The following PAK5 variants were observed in gnomAD, a reference collection of about 807,000 sequenced individuals.
PAK5 encodes the protein serine/threonine-protein kinase PAK 5.
Under a neutral mutation model 65.9 loss-of-function variants are expected in PAK5, and 16 were observed. The observed-to-expected ratio is 0.24, with a 90% CI of 0.16 to 0.37. The LOEUF is 0.37. Ranked by LOEUF, PAK5 falls within the 10% of genes least tolerant of loss-of-function variation. The probability of loss-of-function intolerance (pLI) is 1.00; values close to 1 mark genes in which losing one functional copy is unlikely to be tolerated. For synonymous variants in PAK5, 371 were observed against 354.9 expected, an observed-to-expected ratio of 1.05 and a Z score of -0.51; for missense variants, 785 against 903.9, an observed-to-expected ratio of 0.87 and a Z score of 1.69.
At position 9,565,798 on chromosome 20, in the gene PAK5, T is replaced by C. The variant is rs192148386; in HGVS notation, c.1482+95A>G. 231 of 1,288,714 alleles carry C rather than the reference T, an allele frequency of 1.8e-4. No homozygotes were observed. In the African/African-American group the frequency reaches 3.2e-3, roughly 18 times the overall value. 79.8% of individuals were successfully genotyped at this position (1,288,714 alleles called of 1,614,324 possible). On this transcript the variant is annotated intron_variant, in intron 5 of 9. Transcript: ENST00000353224. ...ATTTTTGTCTTTATATTTTCAGTGC[T>C]TTTCTAATGTCCTAAAATGTACATG...
rs1393328499 is a variant in PAK5, at chr20:9,538,066, C to T, written c.*1396G>A. The T allele has an allele frequency of 4.3e-6, 1 of 232,906 alleles. No individual in the cohort carries two copies. Among genetic ancestry groups the T allele is most frequent in the East Asian group, 6.1e-5 (1 of 16,408 alleles). 14.4% of individuals were successfully genotyped at this position (232,906 alleles called of 1,614,324 possible). A position where few individuals can be genotyped will look rare whatever the true frequency, so the allele number is the denominator to read the frequency against. On this transcript the variant is annotated 3_prime_UTR_variant, in exon 10 of 10. Transcript: ENST00000353224. ...TTGTCTGATGCATAATTAATAGAAACTAATGATGACTATGTAGCTCTTCCA... is the reference window on the plus strand; with the variant it reads ...TTGTCTGATGCATAATTAATAGAAATTAATGATGACTATGTAGCTCTTCCA...
intron 2 of PAK5, among the ~76,000 whole-genome samples, chr20:9,656,112 G>A (rs1008828388): frequency 5.3e-5 from 8 of 152,084 alleles, no homozygotes; most frequent in African/African-American, 1.9e-4. Flanking sequence ...TTAAATGCTA[G>A]CAAGTTGGCT....
intron 1 of PAK5, among the ~76,000 whole-genome samples, chr20:9,758,335 C>T (rs1399680387): frequency 6.6e-6 from 1 of 152,156 alleles, no homozygotes; most frequent in African/African-American, 2.4e-5. Context: ...GTGGCCAAAA[C>T]ATTAGCATAG....
At chr20:9,758,237 G>C (rs1359105675) in intron 1 of PAK5, among the ~76,000 whole-genome samples, 2 of 152,190 alleles carry the variant, frequency 1.3e-5, no homozygotes, top group Non-Finnish European at 2.9e-5. Context: ...GTGAGGTACG[G>C]ATGTCCTTTC....
chr20:9,626,734 C>T (rs1292948860), intron 3 of PAK5, among the ~76,000 whole-genome samples: 1 of 152,132 alleles, frequency 6.6e-6, no homozygotes, highest in South Asian at 2.1e-4. Context: ...GCCATACTTA[C>T]AGTTTGGACT....
chr20:9,572,783 G>A (rs906387014), intron 4 of PAK5, among the ~76,000 whole-genome samples: 2 of 152,176 alleles, frequency 1.3e-5, no homozygotes, highest in African/African-American at 2.4e-5. Flanking sequence ...CAATGTAAGA[G>A]AAAAAACAAC....
chr20:9,662,474 G>A (rs911350718), intron 2 of PAK5, among the ~76,000 whole-genome samples: 2 of 152,234 alleles, frequency 1.3e-5, no homozygotes, highest in African/African-American at 4.8e-5. Context: ...TTGCATCCAG[G>A]TACTGCCATG....
chr20:9,650,537 C>A (rs931880427), intron 2 of PAK5, among the ~76,000 whole-genome samples: 7 of 152,214 alleles, frequency 4.6e-5, no homozygotes, highest in Non-Finnish European at 8.8e-5. Flanking sequence ...CCAATATTTA[C>A]AAGCTTCTGT....
At chr20:9,551,037 C>T (rs541960750) in intron 7 of PAK5, among the ~76,000 whole-genome samples, 6 of 152,174 alleles carry the variant, frequency 3.9e-5, no homozygotes, top group Non-Finnish European at 8.8e-5. Context: ...TGAAACTCGA[C>T]ACTTGGAAGT....
chr20:9,740,946 C>G (rs1030535612), intron 1 of PAK5, among the ~76,000 whole-genome samples: 4 of 152,214 alleles, frequency 2.6e-5, no homozygotes, highest in African/African-American at 7.2e-5. Context: ...AGGTGCCATA[C>G]AGCTCAGCCT....
chr20:9,704,958 A>C (rs2047987504), intron 2 of PAK5, among the ~76,000 whole-genome samples: 3 of 152,198 alleles, frequency 2.0e-5, no homozygotes, highest in Admixed American at 2.0e-4. Context: ...TTCCCACAGG[A>C]GCAAGACGCT....
intron 1 of PAK5, among the ~76,000 whole-genome samples, chr20:9,758,361 A>C (rs1300608589): frequency 4.6e-5 from 7 of 152,184 alleles, no homozygotes. Flanking sequence ...AGTGGCATCG[A>C]ACACATGAAT....
At chr20:9,552,740 G>A (rs1420495110) in intron 7 of PAK5, among the ~76,000 whole-genome samples, 1 of 122,914 alleles carries the variant, frequency 8.1e-6, no homozygotes, top group African/African-American at 3.0e-5. Flanking sequence ...TTTTTTTTTG[G>A]CGACAGGGTC....
At chr20:9,799,034 G>C (rs949444932) in intron 1 of PAK5, among the ~76,000 whole-genome samples, 3 of 152,074 alleles carry the variant, frequency 2.0e-5, no homozygotes, top group Non-Finnish European at 4.4e-5. Flanking sequence ...GAATTAAAAA[G>C]TATTTGCAAG....
intron 1 of PAK5, among the ~76,000 whole-genome samples, chr20:9,745,050 G>A (rs1193659097): frequency 6.6e-6 from 1 of 152,062 alleles, no homozygotes; most frequent in Non-Finnish European, 1.5e-5. Context: ...TTCAGAGTAT[G>A]TTCTTAGTAT....
chr20:9,604,003 G>T (rs928005976), intron 3 of PAK5, among the ~76,000 whole-genome samples: 2 of 152,212 alleles, frequency 1.3e-5, no homozygotes, highest in African/African-American at 4.8e-5. Flanking sequence ...AATCCTATAA[G>T]ATTGGCAGAA....
intron 3 of PAK5, among the ~76,000 whole-genome samples, chr20:9,628,045 T>G (rs2046871415): frequency 6.6e-6 from 1 of 152,154 alleles, no homozygotes; most frequent in Non-Finnish European, 1.5e-5. Flanking sequence ...ATAATTTTTG[T>G]TTTATTAATT....
intron 7 of PAK5, among the ~76,000 whole-genome samples, chr20:9,557,331 G>A (rs906146741): frequency 1.3e-5 from 2 of 152,130 alleles, no homozygotes; most frequent in Non-Finnish European, 2.9e-5. Flanking sequence ...AAAAACAGAT[G>A]TGGCAGAAAA....
chr20:9,618,919 T>TTG (rs2046717802), intron 3 of PAK5, among the ~76,000 whole-genome samples: 1 of 85,760 alleles, frequency 1.2e-5, no homozygotes, highest in African/African-American at 5.2e-5. Context: ...TCTTTCGTTT[T>TTG]TTTTTTTTTT....
Sources: allele counts gnomAD v4.1 joint callset (sites outside exome capture counted in the v4.1 genomes callset), GRCh38; gene constraint gnomAD v4.1.1; transcripts MANE v1.5; gene names NCBI Gene and HGNC (gene_info 2026-07-23, HGNC 2026-07-21).